The following HCN4 variants were observed in gnomAD, a reference collection of about 807,000 sequenced individuals.
HCN4 encodes potassium/sodium hyperpolarization-activated cyclic nucleotide-gated channel 4.
In HCN4, 29 loss-of-function variants were observed where a neutral mutation model predicts 76.9. The observed-to-expected ratio is 0.38, with a 90% CI of 0.28 to 0.51. HCN4 has a LOEUF of 0.51. Ranked by LOEUF, HCN4 falls within the 20% of genes least tolerant of loss-of-function variation. The pLI is 0.90. For synonymous variants in HCN4, 772 were observed against 762.5 expected, an observed-to-expected ratio of 1.01 and a Z score of -0.21; for missense variants, 1,416 against 1,715.2, an observed-to-expected ratio of 0.83 and a Z score of 3.08.
At position 73,327,788 on chromosome 15, in the gene HCN4, T is replaced by C. The variant is rs537655461; in HGVS notation, c.1590+1785A>G. On this transcript the variant is annotated intron_variant, in intron 4 of 7. Coordinates refer to ENST00000261917, the MANE Select transcript of HCN4 (RefSeq NM_005477.3). ...CCTGATGCCTGGCCTAGAATTCTCT[T>C]CCACCTTCTCCTTCCTCTGCTTCCC... 3.9e-5 allele frequency among the ~76,000 whole-genome samples: 6 copies of C among 152,240 alleles called. No individual in the cohort carries two copies. In the East Asian group the frequency reaches 1.2e-3, roughly 30 times the overall value.
rs983264979 is a variant in HCN4 at position 73,367,407 on chromosome 15, C to T, written c.785+79G>A. 8 of 1,600,464 alleles carry T rather than the reference C, an allele frequency of 5.0e-6. No individual in the cohort carries two copies. Among genetic ancestry groups the T allele is most frequent in the Non-Finnish European group, 6.8e-6 (8 of 1,174,360 alleles). On this transcript the variant is annotated intron_variant, in intron 1 of 7. Coordinates refer to ENST00000261917, the MANE Select transcript of HCN4 (RefSeq NM_005477.3). The surrounding 1 kb of genome is among the most constrained non-coding windows in gnomAD (Gnocchi z 7.5). Reference sequence around the variant, plus strand: ...CAGCGCAAGGCAGGAAAGTTAACTCCGGCTGGGAGGCAGGGTCAGGAGGAG... The same window carrying T: ...CAGCGCAAGGCAGGAAAGTTAACTCTGGCTGGGAGGCAGGGTCAGGAGGAG...
Position 73,322,646 on chromosome 15 carries a change from G to T in HCN4, c.3447C>A (p.His1149Gln). The stretch of plus-strand genomic sequence containing the variant: ...AGGATGTCTTCCGAGGCAGAGTGAC[G>T]TGCTGGCCGGGGATGGCACCATAGG... Reference protein sequence around the residue: ...GRPYGAIPGQHVTLPRKTSSG... With the variant: ...GRPYGAIPGQQVTLPRKTSSG... Residue 1149 changes from histidine (H) to glutamine (Q), a missense_variant, in exon 8 of 8, where the codon CAC (histidine) becomes CAA (glutamine). His to Gln is a conservative substitution (Grantham distance 24). Around this residue, in one of 6 missense-constraint regions of HCN4, gnomAD observed 633 missense variants for 579.8 expected, o/e 1.09. Coordinates refer to ENST00000261917, the MANE Select transcript of HCN4 (RefSeq NM_005477.3). 6.2e-7 allele frequency: 1 copy of T among 1,610,148 alleles called. No individual in the cohort carries two copies. The highest frequency in any genetic ancestry group is 8.5e-7 in the Non-Finnish European group (1 of 1,178,738).
intron 4 of HCN4, among the ~76,000 whole-genome samples, chr15:73,327,316 G>A (rs557576907): frequency 1.5e-4 from 22 of 151,704 alleles, no homozygotes; most frequent in Non-Finnish European, 3.1e-4. Context: ...TCACCATGTT[G>A]GCCAGGCTGG....
chr15:73,336,286 A>G (rs2042964980), intron 2 of HCN4, among the ~76,000 whole-genome samples: 1 of 152,154 alleles, frequency 6.6e-6, no homozygotes, highest in Admixed American at 6.5e-5. Flanking sequence ...ATCAAAGTCT[A>G]GGGCATCTCT....
At chr15:73,335,780 A>G (rs2042961445) in intron 2 of HCN4, 1 of 152,244 alleles carries the variant, frequency 6.6e-6, no homozygotes, top group African/African-American at 2.4e-5. Context: ...GTGGTCAAGA[A>G]AGAGTTGCAA....
chr15:73,324,608 G>T (rs540592794), intron 6 of HCN4, among the ~76,000 whole-genome samples: 1 of 152,290 alleles, frequency 6.6e-6, no homozygotes, highest in Non-Finnish European at 1.5e-5. Context: ...GGAGGAGGCC[G>T]GGGAGCTGGC....
At chr15:73,347,744 A>G (rs2043035717) in intron 1 of HCN4, among the ~76,000 whole-genome samples, 3 of 152,130 alleles carry the variant, frequency 2.0e-5, no homozygotes, top group African/African-American at 7.2e-5. Flanking sequence ...ATGCCCTGAC[A>G]GGAAAGCAAG....
intron 7 of HCN4, 22 bp from the exon 8 acceptor site, chr15:73,323,971 G>A (rs766765935): frequency 1.2e-6 from 2 of 1,608,220 alleles, no homozygotes; most frequent in Non-Finnish European, 8.5e-7. Context: ...AACAAGAACA[G>A]GCACTCAGGG....
rs372632530 is a variant in HCN4 at position 73,329,761 on chromosome 15, C to T, written c.1402G>A (p.Ala468Thr). 26 of 1,613,896 alleles carry T rather than the reference C, an allele frequency of 1.6e-5. No homozygotes were observed. The highest frequency in any genetic ancestry group is 1.9e-5 in the Non-Finnish European group (23 of 1,179,986). Reference protein sequence around the residue: ...NNSWGKQYSYALFKAMSHMLC... With the variant: ...NNSWGKQYSYTLFKAMSHMLC... ...ATGTGGCTCATGGCCTTGAAGAGCG[C>T]GTAGGAGTACTGCTTCCCCCAGGAG... The change falls in exon 4 of 8, where the codon GCG (alanine) becomes ACG (threonine). Residue 468 changes from alanine to threonine, a missense_variant. Transcript: ENST00000261917.
intron 1 of HCN4, among the ~76,000 whole-genome samples, chr15:73,356,114 AG>A (rs1170823222): frequency 6.6e-6 from 1 of 152,112 alleles, no homozygotes; most frequent in African/African-American, 2.4e-5. Flanking sequence ...CACTGCCAGC[AG>A]CGGGAGGAAA....
chr15:73,337,671 G>A (rs2042974997), intron 2 of HCN4, among the ~76,000 whole-genome samples: 1 of 152,196 alleles, frequency 6.6e-6, no homozygotes, highest in Admixed American at 6.5e-5. Flanking sequence ...TAAGGTTTCA[G>A]GAACTGAGAA....
At chr15:73,333,546 G>T (rs955844979) in intron 2 of HCN4, among the ~76,000 whole-genome samples, 4 of 152,144 alleles carry the variant, frequency 2.6e-5, no homozygotes, top group South Asian at 2.1e-4. Flanking sequence ...ACTAGTGACC[G>T]AAGATGAGTA....
chr15:73,367,866 GC>G lies in HCN4; in HGVS notation c.404del (p.Gly135AlafsTer97). On this transcript the variant is annotated frameshift_variant, in exon 1 of 8. Coordinates refer to ENST00000261917, the MANE Select transcript of HCN4 (RefSeq NM_005477.3). LOFTEE classifies it high-confidence loss of function. This position sits in a 1 kb window ranked among gnomAD's most constrained non-coding sequence, Gnocchi z 7.5. ...TCCTGTCCTCGCCGGGGGACGCGTC[GC>G]CCTCGGCGATGAGCCGCCGCTCCTC... ...SAEERRLIAE[G>X]DASPGEDRTP... 1 of 1,324,826 alleles carries G rather than the reference GC, an allele frequency of 7.5e-7. No homozygotes were observed. The highest frequency in any genetic ancestry group is 9.7e-7 in the Non-Finnish European group (1 of 1,035,204). 82.1% of individuals were successfully genotyped at this position (1,324,826 alleles called of 1,614,324 possible). A position where few individuals can be genotyped will look rare whatever the true frequency, so the allele number is the denominator to read the frequency against.
Position 73,322,832 on chromosome 15 carries a change from G to C in HCN4, c.3261C>G (p.Ser1087=). The change falls in exon 8 of 8, where the codon TCC becomes TCG. Residue 1087 remains serine, a synonymous_variant. Coordinates refer to ENST00000261917, the MANE Select transcript of HCN4 (RefSeq NM_005477.3). Reference sequence around the variant, plus strand: ...CCTGAGGCAGGGCTGGCTGAGACGCGGAGATGAGCTTGAGGTCCTGGGTGA... The same window carrying C: ...CCTGAGGCAGGGCTGGCTGAGACGCCGAGATGAGCTTGAGGTCCTGGGTGA... The part of the protein sequence containing the change: ...GRLTQDLKLI[S]ASQPALPQDG... The C allele has an allele frequency of 3.3e-6, 5 of 1,523,004 alleles. No individual in the cohort carries two copies. Among genetic ancestry groups the C allele is most frequent in the Non-Finnish European group, 4.4e-6 (5 of 1,137,150 alleles). The allele number at this position is 1,523,004 out of a possible 1,614,324, so 94.3% of individuals were successfully genotyped here.
At chr15:73,344,991 C>T (rs1448117456) in intron 1 of HCN4, among the ~76,000 whole-genome samples, 1 of 152,170 alleles carries the variant, frequency 6.6e-6, no homozygotes, top group Non-Finnish European at 1.5e-5. Context: ...TTAAGTGAGG[C>T]AGAAATAAGC....
rs2623999 is a variant in HCN4 at position 73,321,773 on chromosome 15, T to C, written c.*708A>G. On this transcript the variant is annotated 3_prime_UTR_variant, in exon 8 of 8. Coordinates refer to ENST00000261917, the MANE Select transcript of HCN4 (RefSeq NM_005477.3). ...CCTAGACCATGCAGTGCACAGCCTG[T>C]GGGCCAAGGCGGGTTGCTGGGTGTA... 127,325 of 153,422 alleles carry C rather than the reference T, an allele frequency of 0.83. 54,703 individuals are homozygous for C. The highest frequency in any genetic ancestry group is 0.93 in the Non-Finnish European group (64,245 of 68,722). The allele number at this position is 153,422 out of a possible 1,614,324, so 9.5% of individuals were successfully genotyped here. A position where few individuals can be genotyped will look rare whatever the true frequency, so the allele number is the denominator to read the frequency against.
intron 1 of HCN4, among the ~76,000 whole-genome samples, chr15:73,348,988 A>G (rs2043041239): frequency 6.6e-6 from 1 of 152,138 alleles, no homozygotes; most frequent in South Asian, 2.1e-4. Context: ...TCAATAATCT[A>G]GGCTCAAAAC....
Position 73,322,553 on chromosome 15 carries a change from C to A in HCN4, c.3540G>T (p.Leu1180=). Residue 1180 remains leucine (L), a synonymous_variant, in exon 8 of 8, where the codon CTG becomes CTT. Transcript: ENST00000261917. The part of the protein sequence containing the change: ...ARATSSGGPP[L]TAGPQREPGA... ...CAGGTTCCCTCTGGGGTCCAGCAGT[C>A]AGAGGGGGCCCCCCAGAAGAGGTGG... 6.2e-7 allele frequency: 1 copy of A among 1,606,864 alleles called. No homozygotes were observed. The highest frequency in any genetic ancestry group is 8.5e-7 in the Non-Finnish European group (1 of 1,176,986).
chr15:73,325,420 A>G lies in HCN4; in HGVS notation c.1615T>C (p.Ser539Pro). ...GTGTCGGGCGGGAGCTTGTGAAAGG[A>G]CATGTACTGCTCCACCTGCTTGTAC... ...EKYKQVEQYMSFHKLPPDTRQ... is the reference protein window; with the variant it reads ...EKYKQVEQYMPFHKLPPDTRQ... Residue 539 changes from serine (S) to proline (P), a missense_variant, in exon 5 of 8, where the codon TCC becomes CCC. Coordinates refer to ENST00000261917, the MANE Select transcript of HCN4 (RefSeq NM_005477.3). The surrounding 1 kb of genome is among the most constrained non-coding windows in gnomAD (Gnocchi z 7.4). 1.2e-6 allele frequency: 2 copies of G among 1,614,076 alleles called. No individual in the cohort carries two copies. Among genetic ancestry groups the G allele is most frequent in the Non-Finnish European group, 1.7e-6 (2 of 1,179,992 alleles).
Sources: allele counts gnomAD v4.1 joint callset (sites outside exome capture counted in the v4.1 genomes callset), GRCh38; gene constraint gnomAD v4.1.1; regional missense constraint gnomAD v4.1.1; non-coding constraint Gnocchi (gnomAD v3.1); transcripts MANE v1.5; gene names NCBI Gene and HGNC (gene_info 2026-07-23, HGNC 2026-07-21).